Variants in HACD2 observed in about 807,000 individuals in gnomAD.
The protein encoded by HACD2 is very-long-chain (3R)-3-hydroxyacyl-CoA dehydratase 2.
In HACD2, 15 loss-of-function variants were observed where a neutral mutation model predicts 31.0. That is an observed-to-expected ratio of 0.48 (90% CI 0.32 to 0.75). The LOEUF (loss-of-function observed/expected upper bound fraction) is 0.75, where lower values mean the gene tolerates loss of function less well. HACD2 is among the 30% of genes least tolerant of loss of function. The probability of loss-of-function intolerance (pLI) is 0.03; values close to 1 mark genes in which losing one functional copy is unlikely to be tolerated. For missense variants in HACD2, 283 were observed against 313.0 expected (o/e 0.90, Z 0.72); for synonymous variants, 115 against 122.2 (o/e 0.94, Z 0.39).
intron 4 of HACD2, among the ~76,000 whole-genome samples, chr3:123,506,582 A>C (rs1199297619): frequency 6.6e-6 from 1 of 152,022 alleles, no homozygotes; most frequent in Non-Finnish European, 1.5e-5. Context: ...GGTGTGTGCC[A>C]CCACACCCAG....
intron 3 of HACD2, among the ~76,000 whole-genome samples, chr3:123,542,551 C>A (rs1002805107): frequency 3.9e-5 from 6 of 152,190 alleles, no homozygotes; most frequent in Non-Finnish European, 7.3e-5. Context: ...AACGCATAAG[C>A]CAAAGACTAA....
chr3:123,495,155 C>G lies in HACD2; in HGVS notation c.683-185G>C, dbSNP rs532188614. 2.0e-5 allele frequency among the ~76,000 whole-genome samples: 3 copies of G among 152,238 alleles called. No homozygotes were observed. In the South Asian group the frequency reaches 6.2e-4, roughly 32 times the overall value. On this transcript the variant is annotated intron_variant, in intron 6 of 6. Transcript: ENST00000383657. Reference sequence around the variant, plus strand: ...CAGAGAGACTTACCTCCTTTCTTTTCCTGCTTTAGCTGAGGGAAGAAGTGG... The same window carrying G: ...CAGAGAGACTTACCTCCTTTCTTTTGCTGCTTTAGCTGAGGGAAGAAGTGG...
At chr3:123,559,319 GATGGGA>G (rs1446315901) in intron 3 of HACD2, among the ~76,000 whole-genome samples, 4 of 152,146 alleles carry the variant, frequency 2.6e-5, no homozygotes, top group Non-Finnish European at 4.4e-5. Context: ...TCTGTATTCT[GATGGGA>G]CTTTCAAAAT....
chr3:123,584,698 CG>C, intron 1 of HACD2, 174 bp downstream of exon 1: 1 of 455,554 alleles, frequency 2.2e-6, no homozygotes. Context: ...GGGCAGCCAC[CG>C]GGGCCGATTC....
Position 123,567,785 on chromosome 3 carries a change from AG to A in HACD2, c.274-6del. 1 of 1,498,686 alleles carries A rather than the reference AG, an allele frequency of 6.7e-7. No individual in the cohort carries two copies. 92.8% of individuals were successfully genotyped at this position (1,498,686 alleles called of 1,614,324 possible). A position where few individuals can be genotyped will look rare whatever the true frequency, so the allele number is the denominator to read the frequency against. ...ACCTATAGCACAATGTAAAATCTAG[AG>A]GAAAAAAGGGGAAAAAAGAGGAGAA... On this transcript the variant is annotated splice_region_variant and splice_polypyrimidine_tract_variant and intron_variant, in intron 2 of 6. Coordinates refer to ENST00000383657, the MANE Select transcript of HACD2 (RefSeq NM_198402.5).
At chr3:123,495,838 T>C (rs986514302) in intron 6 of HACD2, among the ~76,000 whole-genome samples, 1 of 152,156 alleles carries the variant, frequency 6.6e-6, no homozygotes, top group Non-Finnish European at 1.5e-5. Context: ...AAACATGCCA[T>C]AATGCATGAC....
chr3:123,501,315 G>T (rs2055899464), intron 5 of HACD2, among the ~76,000 whole-genome samples: 1 of 152,158 alleles, frequency 6.6e-6, no homozygotes, highest in Non-Finnish European at 1.5e-5. Context: ...CATGGGAGGG[G>T]AATCTGCATA....
intron 3 of HACD2, among the ~76,000 whole-genome samples, chr3:123,555,287 A>C (rs188282076): frequency 1.3e-5 from 2 of 152,294 alleles, no homozygotes; most frequent in African/African-American, 4.8e-5. Context: ...AAAGCAAGAA[A>C]TAAAACTGTC....
intron 6 of HACD2, among the ~76,000 whole-genome samples, chr3:123,496,764 T>A (rs2168432): frequency 0.94 from 143,731 of 152,292 alleles, 68,378 homozygotes; most frequent in East Asian, 1. Flanking sequence ...ATGAAGGGAA[T>A]CTGTGAGCTG....
At chr3:123,510,935 T>TTTTTTTTG (rs2056053583) in intron 4 of HACD2, among the ~76,000 whole-genome samples, 1 of 127,700 alleles carries the variant, frequency 7.8e-6, no homozygotes, top group Non-Finnish European at 1.7e-5. Context: ...TTGCTGTGTT[T>TTTTTTTTG]TTTTTTTTTG....
At chr3:123,544,715 CAA>C (rs983242424) in intron 3 of HACD2, among the ~76,000 whole-genome samples, 2 of 152,048 alleles carry the variant, frequency 1.3e-5, no homozygotes, top group Non-Finnish European at 2.9e-5. Flanking sequence ...ATTTTTATGT[CAA>C]GAGATATCTC....
At chr3:123,561,838 G>T (rs889059324) in intron 3 of HACD2, among the ~76,000 whole-genome samples, 11 of 151,662 alleles carry the variant, frequency 7.3e-5, no homozygotes, top group Non-Finnish European at 1.2e-4. Context: ...TTGAGACGGG[G>T]TCTCACTCTG....
chr3:123,570,589 G>A (rs532929655), intron 2 of HACD2, among the ~76,000 whole-genome samples: 4 of 152,126 alleles, frequency 2.6e-5, no homozygotes, highest in Non-Finnish European at 4.4e-5. Context: ...AATCAGCTAG[G>A]TCTTATTTAT....
chr3:123,509,119 T>G (rs2056017530), intron 4 of HACD2, among the ~76,000 whole-genome samples: 1 of 152,180 alleles, frequency 6.6e-6, no homozygotes, highest in African/African-American at 2.4e-5. Flanking sequence ...GACTAGGTGT[T>G]GGCAAACTTC....
At chr3:123,545,899 T>C (rs2056554457) in intron 3 of HACD2, among the ~76,000 whole-genome samples, 1 of 151,830 alleles carries the variant, frequency 6.6e-6, no homozygotes, top group Admixed American at 6.6e-5. Context: ...TTAGTAGAGA[T>C]GGGGTTTCAC....
Position 123,533,395 on chromosome 3 carries a change from C to T in HACD2, c.293-4921G>A, listed in dbSNP as rs75699844. Among the ~76,000 whole-genome samples the T allele has an allele frequency of 6.0e-3, 914 of 152,276 alleles. 9 individuals carry two copies. Among genetic ancestry groups the T allele is most frequent in the African/African-American group, 0.021 (884 of 41,548 alleles). On this transcript the variant is annotated intron_variant, in intron 3 of 6. Transcript: ENST00000383657. ...AACTCCTAAGCTCAAGTGATCTGTC[C>T]GCCTCAGCATCCCAAAGTGCTGGGA... is the stretch of plus-strand genomic sequence containing the variant.
intron 3 of HACD2, among the ~76,000 whole-genome samples, chr3:123,563,642 TATACACACACACAC>T (rs1424259717): frequency 0.012 from 1,248 of 105,208 alleles, 10 homozygotes; most frequent in African/African-American, 0.03. Flanking sequence ...AAAAAATATA[TATACACACACACAC>T]ACACACACAC....
chr3:123,499,377 G>T, intron 6 of HACD2: 1 of 193,700 alleles, frequency 5.2e-6, no homozygotes, highest in East Asian at 1.2e-4. Context: ...TTTTACATTT[G>T]AAGAGAGATG....
At chr3:123,514,937 C>G (rs1036014583) in intron 4 of HACD2, among the ~76,000 whole-genome samples, 1 of 152,086 alleles carries the variant, frequency 6.6e-6, no homozygotes, top group African/African-American at 2.4e-5. Flanking sequence ...TGTGAAAAGC[C>G]AATTATATCT....
Sources: allele counts gnomAD v4.1 joint callset (sites outside exome capture counted in the v4.1 genomes callset), GRCh38; gene constraint gnomAD v4.1.1; transcripts MANE v1.5; gene names NCBI Gene and HGNC (gene_info 2026-07-23, HGNC 2026-07-21).